Variants in EFCAB13 observed in about 807,000 individuals in gnomAD.
The protein encoded by EFCAB13 is EF-hand calcium binding domain 13, also known as EF-hand calcium-binding domain-containing protein 13.
EFCAB13 carries 91 observed loss-of-function variants against 110.2 expected under a neutral mutation model. The observed-to-expected ratio is 0.83, with a 90% confidence interval of 0.70 to 0.98. EFCAB13 has a LOEUF of 0.98. Among genes scored for constraint, EFCAB13 ranks in the 50% least tolerant of loss-of-function variants. The pLI is 0.00. For missense variants in EFCAB13, 968 were observed against 1,119.4 expected (o/e 0.86, Z 1.93); for synonymous variants, 323 against 369.9 (o/e 0.87, Z 1.45).
chr17:47,372,952 T>G (rs2065593574), intron 11 of EFCAB13, among the ~76,000 whole-genome samples: 1 of 152,122 alleles, frequency 6.6e-6, no homozygotes, highest in African/African-American at 2.4e-5. Context: ...ACCTGGATAT[T>G]TATATATTTG....
chr17:47,395,878 A>T lies in EFCAB13; in HGVS notation c.1846A>T (p.Thr616Ser). The change falls in exon 17 of 25, where the codon ACG (threonine) becomes TCG (serine). Residue 616 changes from threonine (T) to serine (S), a missense_variant. Thr to Ser is a moderately conservative substitution (Grantham distance 58). Transcript: ENST00000331493. ...IETLDDLRKE[T>S]MSVSDLWNTL... The stretch of plus-strand genomic sequence containing the variant: ...AACCCTCGACGATCTCAGAAAGGAG[A>T]CGATGAGTGTTTCTGACCTGTGGAA... 3.7e-6 allele frequency: 6 copies of T among 1,610,242 alleles called. No individual in the cohort carries two copies. The highest frequency in any genetic ancestry group is 5.1e-6 in the Non-Finnish European group (6 of 1,177,478).
At chr17:47,438,498 C>CT (rs112384926) in intron 24 of EFCAB13, among the ~76,000 whole-genome samples, 73,147 of 142,264 alleles carry the variant, frequency 0.51, 18,969 homozygotes, top group African/African-American at 0.55. Context: ...TAGTCTTATT[C>CT]TTTTTTTTTT....
At chr17:47,354,411 AG>A (rs2065469386) in intron 9 of EFCAB13, among the ~76,000 whole-genome samples, 1 of 152,080 alleles carries the variant, frequency 6.6e-6, no homozygotes, top group Non-Finnish European at 1.5e-5. Context: ...GTATAGTTTA[AG>A]TCCATTGTTT....
At chr17:47,346,436 C>CCG (rs1555578088) in intron 8 of EFCAB13, among the ~76,000 whole-genome samples, 2 of 126,718 alleles carry the variant, frequency 1.6e-5, no homozygotes, top group Admixed American at 8.1e-5. Flanking sequence ...GTACTTTACC[C>CCG]CCCCCCCCAT....
chr17:47,433,938 TC>T (rs1905164575), intron 24 of EFCAB13, among the ~76,000 whole-genome samples: 1 of 152,154 alleles, frequency 6.6e-6, no homozygotes, highest in African/African-American at 2.4e-5. Context: ...TGATATAAAA[TC>T]CTTTTGGTGT....
rs534660403 is a variant in EFCAB13, at chr17:47,347,751, A to G, written c.518-57A>G. ...TATTATTTTTTTGAGAGTGGGGGGA[A>G]TAAGGATAATTATTCTTTTTGATTA... On this transcript the variant is annotated intron_variant, in intron 8 of 24. Coordinates refer to ENST00000331493, the MANE Select transcript of EFCAB13 (RefSeq NM_152347.5). The G allele has an allele frequency of 5.0e-4, 638 of 1,269,910 alleles. 3 individuals are homozygous for G. In the African/African-American group the frequency reaches 8.4e-3, roughly 17 times the overall value. 78.7% of individuals were successfully genotyped at this position (1,269,910 alleles called of 1,614,324 possible).
At chr17:47,385,072 A>C (rs2065669113) in intron 14 of EFCAB13, among the ~76,000 whole-genome samples, 1 of 152,150 alleles carries the variant, frequency 6.6e-6, no homozygotes, top group Non-Finnish European at 1.5e-5. Flanking sequence ...CGCTCAGCCA[A>C]CTTTTATTCC....
chr17:47,325,392 C>T (rs2065276202), intron 2 of EFCAB13, among the ~76,000 whole-genome samples: 1 of 152,148 alleles, frequency 6.6e-6, no homozygotes, highest in Non-Finnish European at 1.5e-5. Flanking sequence ...TGATTTCCCT[C>T]CTCACAGTAA....
intron 5 of EFCAB13, among the ~76,000 whole-genome samples, chr17:47,335,700 C>T (rs1438736659): frequency 6.6e-6 from 1 of 152,140 alleles, no homozygotes; most frequent in Non-Finnish European, 1.5e-5. Flanking sequence ...CCTCAGGAAA[C>T]TTAGAATCAT....
chr17:47,400,158 T>A (rs574575354), intron 17 of EFCAB13, among the ~76,000 whole-genome samples: 1 of 152,258 alleles, frequency 6.6e-6, no homozygotes, highest in Non-Finnish European at 1.5e-5. Flanking sequence ...GCTTAATAAC[T>A]TTGTTTTCTT....
At chr17:47,414,167 C>T (rs1205771697) in intron 22 of EFCAB13, among the ~76,000 whole-genome samples, 2 of 152,102 alleles carry the variant, frequency 1.3e-5, no homozygotes, top group African/African-American at 4.8e-5. Flanking sequence ...CTCAAAGTCT[C>T]CTTAATATAA....
chr17:47,325,923 AAT>A (rs60735562), intron 2 of EFCAB13, among the ~76,000 whole-genome samples: 7,818 of 101,512 alleles, frequency 0.077, 275 homozygotes, highest in Admixed American at 0.094. Flanking sequence ...ATATAAACAA[AAT>A]ATATATATAT....
At position 47,414,893 on chromosome 17, in the gene EFCAB13, A is replaced by T. The variant is rs142158454; in HGVS notation, c.2468A>T (p.Glu823Val). The T allele has an allele frequency of 1.3e-5, 21 of 1,607,384 alleles. No individual in the cohort carries two copies. Among genetic ancestry groups the T allele is most frequent in the Non-Finnish European group, 1.8e-5 (21 of 1,175,232 alleles). ...AAAGATTTCTTAATGAAAATGAAAGAAAGTCCACATTTCCAAAAGTCCAAG... is the reference window on the plus strand; with the variant it reads ...AAAGATTTCTTAATGAAAATGAAAGTAAGTCCACATTTCCAAAAGTCCAAG... The part of the protein sequence containing the change: ...DLKDFLMKMK[E>V]SPHFQKSKAT... Residue 823 changes from glutamate to valine, a missense_variant, in exon 23 of 25, where the codon GAA becomes GTA. Physicochemically the swap from Glu to Val is moderately radical, Grantham distance 121. Transcript: ENST00000331493.
chr17:47,440,815 G>C lies in EFCAB13; in HGVS notation c.*101G>C, dbSNP rs973174404. The C allele has an allele frequency of 2.0e-6, 2 of 1,010,366 alleles. No individual in the cohort carries two copies. Among genetic ancestry groups the C allele is most frequent in the African/African-American group, 3.3e-5 (2 of 60,378 alleles). The allele number at this position is 1,010,366 out of a possible 1,614,324, so 62.6% of individuals were successfully genotyped here. ...TTAGAAAATAATTTTTAAAACTTTT[G>C]ACAAATCCAGTAGAATTTTTATCAC... On this transcript the variant is annotated 3_prime_UTR_variant, in exon 25 of 25. Transcript: ENST00000331493.
At chr17:47,438,782 C>A (rs1245380741) in intron 24 of EFCAB13, among the ~76,000 whole-genome samples, 1 of 152,082 alleles carries the variant, frequency 6.6e-6, no homozygotes, top group East Asian at 1.9e-4. Context: ...TTCGTGAACT[C>A]TTTTTCAGGT....
intron 15 of EFCAB13, among the ~76,000 whole-genome samples, chr17:47,392,839 AAT>A (rs2065715213): frequency 6.6e-6 from 1 of 152,210 alleles, no homozygotes; most frequent in African/African-American, 2.4e-5. Flanking sequence ...AAGATTGATA[AAT>A]TTGCATACAT....
At chr17:47,398,055 A>T (rs1212694392) in intron 17 of EFCAB13, among the ~76,000 whole-genome samples, 1 of 122,002 alleles carries the variant, frequency 8.2e-6, no homozygotes, top group Non-Finnish European at 1.6e-5. Context: ...TCCGTCCGGG[A>T]GGGAGGTTGG....
chr17:47,362,356 T>G (rs1351808936), intron 10 of EFCAB13, among the ~76,000 whole-genome samples: 1 of 152,142 alleles, frequency 6.6e-6, no homozygotes, highest in East Asian at 1.9e-4. Context: ...CTGTTATGCC[T>G]GGACAGGGCC....
At chr17:47,382,161 C>T (rs972573717) in intron 14 of EFCAB13, among the ~76,000 whole-genome samples, 3 of 151,880 alleles carry the variant, frequency 2.0e-5, no homozygotes, top group Non-Finnish European at 4.4e-5. Context: ...TCTGCCTGCC[C>T]GTTTTCGATG....
Sources: gnomAD v4.1 joint callset for allele counts (sites outside exome capture counted in the v4.1 genomes callset) on GRCh38, gnomAD v4.1.1 for gene constraint, MANE v1.5 for transcripts, NCBI Gene and HGNC (gene_info 2026-07-23, HGNC 2026-07-21) for gene names.